NCALD: variants seen among roughly 807,000 people sequenced by gnomAD.
NCALD encodes the protein neurocalcin-delta.
In NCALD, 10 loss-of-function variants were observed where a neutral mutation model predicts 18.6. That is an observed-to-expected ratio of 0.54 (90% confidence interval 0.33 to 0.91). The LOEUF (loss-of-function observed/expected upper bound fraction) is 0.91. Ranked by LOEUF, NCALD falls within the 40% of genes least tolerant of loss-of-function variation. The pLI is 0.03. For missense variants in NCALD, 184 were observed against 247.6 expected (o/e 0.74, Z 1.72); for synonymous variants, 88 against 87.4 (o/e 1.01, Z -0.04).
chr8:101,804,772 A>T (rs1813037608), intron 4 of NCALD, among the ~76,000 whole-genome samples: 1 of 150,474 alleles, frequency 6.6e-6, no homozygotes, highest in Admixed American at 6.7e-5. Context: ...AGATTACTGT[A>T]TAGTATAAAC....
At chr8:101,806,583 C>T (rs1813109874) in intron 4 of NCALD, among the ~76,000 whole-genome samples, 1 of 151,840 alleles carries the variant, frequency 6.6e-6, no homozygotes, top group Non-Finnish European at 1.5e-5. Context: ...AATTTCACTA[C>T]AGAGAAATGA....
intron 1 of NCALD, among the ~76,000 whole-genome samples, chr8:101,756,608 A>G (rs2130805724): frequency 6.6e-6 from 1 of 152,336 alleles, no homozygotes; most frequent in South Asian, 2.1e-4. Context: ...AGGAAAAAGA[A>G]CAAGACAGAG....
At chr8:101,823,297 C>T (rs1031046493) in intron 4 of NCALD, among the ~76,000 whole-genome samples, 2 of 152,158 alleles carry the variant, frequency 1.3e-5, no homozygotes, top group Non-Finnish European at 2.9e-5. Flanking sequence ...AAAGAGAAAT[C>T]TTAGAACTGG....
intron 2 of NCALD, among the ~76,000 whole-genome samples, chr8:101,936,011 G>A (rs979484611): frequency 2.6e-5 from 4 of 152,000 alleles, no homozygotes; most frequent in East Asian, 1.9e-4. Context: ...AGAGTGCACA[G>A]GTCCAGATGC....
chr8:101,951,692 TA>T (rs1819429843), intron 2 of NCALD, among the ~76,000 whole-genome samples: 1 of 152,212 alleles, frequency 6.6e-6, no homozygotes, highest in Admixed American at 6.5e-5. Flanking sequence ...AACAAATAAA[TA>T]AATGGTCTTA....
intron 4 of NCALD, among the ~76,000 whole-genome samples, chr8:101,828,011 G>C (rs542611185): frequency 6.6e-6 from 1 of 152,294 alleles, no homozygotes; most frequent in African/African-American, 2.4e-5. Context: ...GATATAAAAA[G>C]TAAGTAGACA....
chr8:101,702,601 G>A (rs1815319864), intron 2 of NCALD, among the ~76,000 whole-genome samples: 1 of 152,190 alleles, frequency 6.6e-6, no homozygotes, highest in Non-Finnish European at 1.5e-5. Flanking sequence ...CACTAGGGGA[G>A]CTTACTATTT....
chr8:101,926,554 G>C (rs1234792815), intron 2 of NCALD, among the ~76,000 whole-genome samples: 1 of 152,100 alleles, frequency 6.6e-6, no homozygotes, highest in Admixed American at 6.6e-5. Context: ...TTTTAAATAA[G>C]TCTAAAAATT....
At chr8:101,838,568 A>G (rs73277019) in intron 4 of NCALD, among the ~76,000 whole-genome samples, 25 of 152,348 alleles carry the variant, frequency 1.6e-4, no homozygotes, top group African/African-American at 6.0e-4. Flanking sequence ...GAAACAGAAA[A>G]CAGGGGTTTT....
At chr8:102,014,181 A>G (rs1822001098) in intron 2 of NCALD, among the ~76,000 whole-genome samples, 1 of 152,202 alleles carries the variant, frequency 6.6e-6, no homozygotes, top group East Asian at 1.9e-4. Flanking sequence ...GCTTATAAGC[A>G]ACATTTATTG....
intron 1 of NCALD, among the ~76,000 whole-genome samples, chr8:102,033,856 CA>C (rs1228122911): frequency 6.6e-6 from 1 of 152,054 alleles, no homozygotes; most frequent in Non-Finnish European, 1.5e-5. Flanking sequence ...AGATTTGCAT[CA>C]GCCCTTCAGA....
intron 1 of NCALD, among the ~76,000 whole-genome samples, chr8:102,110,379 A>T (rs1469102906): frequency 1.3e-5 from 2 of 152,230 alleles, no homozygotes. Flanking sequence ...AAATGAAAAG[A>T]AAGTATTTTG....
intron 1 of NCALD, among the ~76,000 whole-genome samples, chr8:102,065,784 G>C (rs756396851): frequency 7.2e-5 from 11 of 151,848 alleles, no homozygotes; most frequent in Non-Finnish European, 1.0e-4. Context: ...GACCAGCCTG[G>C]GCAACATAGC....
chr8:101,782,083 TTA>T (rs1417778518), intron 1 of NCALD, among the ~76,000 whole-genome samples: 1 of 147,932 alleles, frequency 6.8e-6, no homozygotes. Flanking sequence ...ATTGTATGTT[TTA>T]TATATATATA....
intron 3 of NCALD, among the ~76,000 whole-genome samples, chr8:101,895,775 G>T (rs1350966659): frequency 6.8e-6 from 1 of 146,838 alleles, no homozygotes; most frequent in South Asian, 2.1e-4. Context: ...CTGCTTCAAA[G>T]AGAACAAAAT....
At chr8:101,953,663 A>G (rs1819516068) in intron 2 of NCALD, among the ~76,000 whole-genome samples, 1 of 152,262 alleles carries the variant, frequency 6.6e-6, no homozygotes, top group African/African-American at 2.4e-5. Context: ...CGCACACTGC[A>G]TTCAGTGAGA....
chr8:101,804,290 A>T (rs1221644995), intron 4 of NCALD, among the ~76,000 whole-genome samples: 1 of 110,982 alleles, frequency 9.0e-6, no homozygotes, highest in Admixed American at 1.0e-4. Context: ...ACTATTTATA[A>T]CTATTATATA....
chr8:101,847,074 G>T (rs764360141), intron 4 of NCALD, among the ~76,000 whole-genome samples: 3 of 152,080 alleles, frequency 2.0e-5, no homozygotes, highest in African/African-American at 7.2e-5. Flanking sequence ...CAGCTAGAAG[G>T]GTCCCTGTGA....
At position 102,029,769 on chromosome 8, in the gene NCALD, C is replaced by T. The variant is rs1206167558; in HGVS notation, c.-209-9480G>A. Among the ~76,000 whole-genome samples, 6 of 152,118 alleles carry T rather than the reference C, an allele frequency of 3.9e-5. No homozygotes were observed. The South Asian group carries it at 6.2e-4, about 16-fold the overall frequency. ...AAAGGGGAGGGATGTGATAAGCTTGCGGTCAGGACGAGAAATTACATTTTG... is the reference window on the plus strand; with the variant it reads ...AAAGGGGAGGGATGTGATAAGCTTGTGGTCAGGACGAGAAATTACATTTTG... On this transcript the variant is annotated intron_variant, in intron 1 of 6. Transcript: ENST00000311028.
Sources: gnomAD v4.1 joint callset for allele counts (sites outside exome capture counted in the v4.1 genomes callset) on GRCh38, gnomAD v4.1.1 for gene constraint, MANE v1.5 for transcripts, NCBI Gene and HGNC (gene_info 2026-07-23, HGNC 2026-07-21) for gene names.